KCND2: variants seen among roughly 807,000 people sequenced by gnomAD.
The protein encoded by KCND2 is potassium voltage-gated channel subfamily D member 2, also known as A-type voltage-gated potassium channel KCND2.
A neutral mutation model predicts 54.4 loss-of-function variants in KCND2; 16 were observed. The ratio of observed to expected loss-of-function variants is 0.29; its 90% CI spans 0.20 to 0.45. The LOEUF (loss-of-function observed/expected upper bound fraction) is 0.45. Among genes scored for constraint, KCND2 ranks in the 20% least tolerant of loss-of-function variants. The probability of loss-of-function intolerance (pLI) is 1.00; values close to 1 mark genes in which losing one functional copy is unlikely to be tolerated. For synonymous variants in KCND2, 317 were observed against 310.7 expected (o/e 1.02, Z -0.21); for missense variants, 486 against 824.2 (o/e 0.59, Z 5.02).
In KCND2 at chr7:120,701,240, T is replaced by TAAAAAAAAAA. The variant is rs34803439; in HGVS notation, c.1116-31636_1116-31627dup. On this transcript the variant is annotated intron_variant, in intron 1 of 5. Transcript: ENST00000331113. Reference sequence around the variant, plus strand: ...TAGTTGAATGGCTGTAATGCCTAGCTAAAAAAAAAAAAAAAAAAAAAAAAA... The same window carrying TAAAAAAAAAA: ...TAGTTGAATGGCTGTAATGCCTAGCTAAAAAAAAAAAAAAAAAAAAAAAAAAAAAAAAAAA... Among the ~76,000 whole-genome samples, 15 of 55,140 alleles carry TAAAAAAAAAA rather than the reference T, an allele frequency of 2.7e-4. 2 individuals carry two copies. Among genetic ancestry groups the TAAAAAAAAAA allele is most frequent in the Non-Finnish European group, 3.4e-4 (9 of 26,356 alleles). 36.2% of individuals were successfully genotyped at this position (55,140 alleles called of 152,430 possible).
At chr7:120,746,979 T>A (rs2116193355) in intron 5 of KCND2, 1 of 152,304 alleles carries the variant, frequency 6.6e-6, no homozygotes, top group East Asian at 1.9e-4. Flanking sequence ...TTATATCCTT[T>A]ATAAAGTGAA....
chr7:120,395,058 A>G (rs1801133517), intron 1 of KCND2, among the ~76,000 whole-genome samples: 1 of 151,988 alleles, frequency 6.6e-6, no homozygotes, highest in South Asian at 2.1e-4. Context: ...TAACTCCCCA[A>G]ACATTTATAT....
At chr7:120,623,962 T>G (rs1793134163) in intron 1 of KCND2, among the ~76,000 whole-genome samples, 1 of 152,284 alleles carries the variant, frequency 6.6e-6, no homozygotes, top group African/African-American at 2.4e-5. Context: ...TAAAAAATAA[T>G]TAGAAAATGT....
intron 1 of KCND2, among the ~76,000 whole-genome samples, chr7:120,402,441 A>C (rs1024276955): frequency 3.3e-5 from 5 of 152,092 alleles, no homozygotes; most frequent in African/African-American, 1.2e-4. Flanking sequence ...AATTTTTTTA[A>C]CTTTTTTTTC....
chr7:120,512,307 C>T (rs1803127243), intron 1 of KCND2, among the ~76,000 whole-genome samples: 1 of 151,736 alleles, frequency 6.6e-6, no homozygotes, highest in Non-Finnish European at 1.5e-5. Context: ...AGTATATGTA[C>T]AGTTGTTTAT....
chr7:120,733,081 C>T lies in KCND2; in HGVS notation c.1278+16C>T, dbSNP rs762461586. On this transcript the variant is annotated intron_variant, in intron 2 of 5. Transcript: ENST00000331113. ...GGCACAAAAGGTGCGTATTCAACTC[C>T]GTGCAACCATGGTTTAGCACTTCCC... 4.7e-5 allele frequency: 75 copies of T among 1,612,750 alleles called. No homozygotes were observed. Among genetic ancestry groups the T allele is most frequent in the Admixed American group, 6.7e-5 (4 of 59,910 alleles).
Position 120,274,445 on chromosome 7 carries a change from T to C in KCND2, c.-188T>C. The stretch of plus-strand genomic sequence containing the variant: ...TTGCCATTATTCCAAATACCTGTCT[T>C]GGAGGGAAAGTTGCCCTTCTGAGAA... On this transcript the variant is annotated 5_prime_UTR_variant, in exon 1 of 6. Transcript: ENST00000331113. 1 of 699,024 alleles carries C rather than the reference T, an allele frequency of 1.4e-6. No individual in the cohort carries two copies. Among genetic ancestry groups the C allele is most frequent in the Non-Finnish European group, 2.6e-6 (1 of 389,058 alleles). The allele number at this position is 699,024 out of a possible 1,614,324, so 43.3% of individuals were successfully genotyped here. A position where few individuals can be genotyped will look rare whatever the true frequency, so the allele number is the denominator to read the frequency against.
chr7:120,575,669 TATATG>T (rs1792422955), intron 1 of KCND2, among the ~76,000 whole-genome samples: 1 of 152,208 alleles, frequency 6.6e-6, no homozygotes, highest in South Asian at 2.1e-4. Flanking sequence ...TACACCTGGC[TATATG>T]ATGCTCAGAA....
intron 1 of KCND2, among the ~76,000 whole-genome samples, chr7:120,618,138 G>A (rs977598238): frequency 3.9e-5 from 6 of 152,126 alleles, no homozygotes; most frequent in African/African-American, 7.2e-5. Flanking sequence ...AAAAACCTGC[G>A]CATGTACCCC....
intron 2 of KCND2, among the ~76,000 whole-genome samples, chr7:120,741,291 G>A (rs935694243): frequency 6.6e-6 from 1 of 152,074 alleles, no homozygotes; most frequent in African/African-American, 2.4e-5. Context: ...TTATTGTAAA[G>A]ACTTAATTAT....
At chr7:120,581,328 T>C (rs2116443608) in intron 1 of KCND2, among the ~76,000 whole-genome samples, 1 of 152,340 alleles carries the variant, frequency 6.6e-6, no homozygotes, top group Middle Eastern at 3.4e-3. Context: ...CTGAGTTTGA[T>C]GGTTTTATAT....
intron 1 of KCND2, among the ~76,000 whole-genome samples, chr7:120,675,293 C>T (rs1406094417): frequency 1.3e-5 from 2 of 152,066 alleles, no homozygotes; most frequent in Non-Finnish European, 2.9e-5. Context: ...AGTGCAGTGG[C>T]GTGATCTCAG....
chr7:120,382,722 A>C (rs1377779862), intron 1 of KCND2, among the ~76,000 whole-genome samples: 1 of 151,900 alleles, frequency 6.6e-6, no homozygotes, highest in Non-Finnish European at 1.5e-5. Flanking sequence ...TAACAGTCAC[A>C]ATAGAATTTT....
intron 1 of KCND2, among the ~76,000 whole-genome samples, chr7:120,514,900 G>A (rs1016066684): frequency 3.3e-5 from 5 of 151,920 alleles, no homozygotes; most frequent in Non-Finnish European, 4.4e-5. Context: ...CCCAAGGATT[G>A]GGGACCCCTG....
intron 1 of KCND2, among the ~76,000 whole-genome samples, chr7:120,461,617 A>G (rs1254344419): frequency 6.6e-6 from 1 of 152,152 alleles, no homozygotes; most frequent in East Asian, 1.9e-4. Context: ...TTTGAAATTG[A>G]CAGAGACTTC....
At chr7:120,482,100 A>C (rs1478666041) in intron 1 of KCND2, among the ~76,000 whole-genome samples, 1 of 152,166 alleles carries the variant, frequency 6.6e-6, no homozygotes, top group Non-Finnish European at 1.5e-5. Flanking sequence ...CTCCAGCTCC[A>C]CTGTATCCAG....
chr7:120,459,763 T>C (rs1474304508), intron 1 of KCND2, among the ~76,000 whole-genome samples: 11 of 152,214 alleles, frequency 7.2e-5, no homozygotes, highest in Non-Finnish European at 4.4e-5. Context: ...CTTTTTCTTT[T>C]TGTGCCTTAG....
At chr7:120,307,451 A>G (rs1427042171) in intron 1 of KCND2, among the ~76,000 whole-genome samples, 2 of 152,090 alleles carry the variant, frequency 1.3e-5, no homozygotes, top group Non-Finnish European at 2.9e-5. Flanking sequence ...AAATATTTTG[A>G]ACATAGTGTA....
intron 1 of KCND2, among the ~76,000 whole-genome samples, chr7:120,614,820 A>C (rs1793001377): frequency 6.6e-6 from 1 of 152,232 alleles, no homozygotes; most frequent in African/African-American, 2.4e-5. Context: ...TTTTTAAGAT[A>C]AAACAAGAGA....
Sources: gnomAD v4.1 joint callset for allele counts (sites outside exome capture counted in the v4.1 genomes callset) on GRCh38, gnomAD v4.1.1 for gene constraint, MANE v1.5 for transcripts, NCBI Gene and HGNC (gene_info 2026-07-23, HGNC 2026-07-21) for gene names.